Variants in DNM3 observed in about 807,000 individuals in gnomAD.
DNM3 encodes the protein dynamin 3, also known as dynamin-3.
A neutral mutation model predicts 101.6 loss-of-function variants in DNM3; 47 were observed. The ratio of observed to expected loss-of-function variants is 0.46; its 90% CI spans 0.37 to 0.59. The LOEUF (loss-of-function observed/expected upper bound fraction) is 0.59, where lower values mean the gene tolerates loss of function less well. DNM3 is among the 20% of genes least tolerant of loss of function. DNM3 has a pLI of 0.00. For synonymous variants in DNM3, 385 were observed against 387.9 expected (o/e 0.99, Z 0.09); for missense variants, 849 against 1,085.7 (o/e 0.78, Z 3.06).
intron 14 of DNM3, among the ~76,000 whole-genome samples, chr1:172,220,867 A>G (rs920707249): frequency 1.3e-5 from 2 of 152,200 alleles, no homozygotes; most frequent in African/African-American, 4.8e-5. Flanking sequence ...CGTGCCATAA[A>G]GAATAGGCAC....
chr1:172,140,539 T>C (rs1448712713), intron 14 of DNM3: 1 of 151,940 alleles, frequency 6.6e-6, no homozygotes, highest in Non-Finnish European at 1.5e-5. Context: ...TTCCTCTCTC[T>C]CCCATAAATA....
At chr1:172,404,197 A>T (rs1463432911) in intron 20 of DNM3, among the ~76,000 whole-genome samples, 1 of 152,140 alleles carries the variant, frequency 6.6e-6, no homozygotes, top group African/African-American at 2.4e-5. Flanking sequence ...CCAAGATATC[A>T]TAGTTACTTT....
chr1:172,125,656 C>T (rs2056580331), intron 13 of DNM3, among the ~76,000 whole-genome samples: 1 of 152,090 alleles, frequency 6.6e-6, no homozygotes, highest in Non-Finnish European at 1.5e-5. Context: ...CAGTTTGTCT[C>T]CTGCTGAACA....
intron 14 of DNM3, among the ~76,000 whole-genome samples, chr1:172,194,327 T>C (rs531406539): frequency 6.6e-6 from 1 of 152,160 alleles, no homozygotes; most frequent in Non-Finnish European, 1.5e-5. Context: ...CTGAGAAGAA[T>C]GTATATTCTG....
chr1:172,145,063 TA>T lies in DNM3; in HGVS notation c.1659+13785del, dbSNP rs535387676. 9.5e-5 allele frequency among the ~76,000 whole-genome samples: 14 copies of T among 147,036 alleles called. No homozygotes were observed. The East Asian group carries it at 9.9e-4, about 10-fold the overall frequency. ...AGTGGGCCCCAGTATGGAAAAGCTG[TA>T]AAAAAAAAAGAGTCAAGATGTACAG... On this transcript the variant is annotated intron_variant, in intron 14 of 20. Coordinates refer to ENST00000627582, the MANE Select transcript of DNM3 (RefSeq NM_015569.5).
intron 1 of DNM3, among the ~76,000 whole-genome samples, chr1:171,908,755 A>T (rs2039039926): frequency 6.6e-6 from 1 of 152,202 alleles, no homozygotes; most frequent in South Asian, 2.1e-4. Flanking sequence ...AGATACCTCT[A>T]TAATATTCTC....
intron 1 of DNM3, among the ~76,000 whole-genome samples, chr1:171,851,708 C>A (rs925188429): frequency 4.6e-5 from 7 of 152,244 alleles, no homozygotes; most frequent in African/African-American, 1.7e-4. Context: ...GCCACTGCAC[C>A]CGACCTGAAC....
rs1160621620 is a variant in DNM3 at position 172,412,097 on chromosome 1, AAGAG to A, written c.*4261_*4264del. The A allele has an allele frequency of 1.0e-6, 1 of 985,532 alleles. No homozygotes were observed. Among genetic ancestry groups the A allele is most frequent in the Non-Finnish European group, 1.2e-6 (1 of 829,836 alleles). 61.0% of individuals were successfully genotyped at this position (985,532 alleles called of 1,614,324 possible). A position where few individuals can be genotyped will look rare whatever the true frequency, so the allele number is the denominator to read the frequency against. On this transcript the variant is annotated 3_prime_UTR_variant, in exon 21 of 21. Coordinates refer to ENST00000627582, the MANE Select transcript of DNM3 (RefSeq NM_015569.5). ...TAAGAATGTGTGTATGTGTGAGAGC[AAGAG>A]AGAGGAAACTCAAAGAGGAGTGTTT... is the stretch of plus-strand genomic sequence containing the variant.
At chr1:172,085,261 C>A (rs1572440271) in intron 12 of DNM3, among the ~76,000 whole-genome samples, 1 of 151,290 alleles carries the variant, frequency 6.6e-6, no homozygotes, top group East Asian at 1.9e-4. Context: ...AAAAAAAAAA[C>A]CCTAAATTAC....
intron 10 of DNM3, among the ~76,000 whole-genome samples, chr1:172,054,965 C>T (rs1242543982): frequency 2.9e-5 from 4 of 140,002 alleles, no homozygotes; most frequent in East Asian, 2.3e-4. Flanking sequence ...ATTTCCCCCC[C>T]GCCCCCCCAA....
At chr1:172,027,942 C>A (rs1391093609) in intron 4 of DNM3, among the ~76,000 whole-genome samples, 1 of 152,130 alleles carries the variant, frequency 6.6e-6, no homozygotes, top group African/African-American at 2.4e-5. Flanking sequence ...TAGAGACCTA[C>A]AAAGAGACTT....
chr1:172,129,094 A>G (rs986850762), intron 13 of DNM3, among the ~76,000 whole-genome samples: 1 of 152,202 alleles, frequency 6.6e-6, no homozygotes, highest in Non-Finnish European at 1.5e-5. Context: ...CTCTGATACA[A>G]TGAAATAACT....
rs181622285 is a variant in DNM3, at chr1:172,045,766, C to T, written c.1196+1314C>T. Among the ~76,000 whole-genome samples the T allele has an allele frequency of 1.1e-3, 160 of 152,248 alleles. 4 individuals carry two copies. The South Asian group carries it at 0.023, about 22-fold the overall frequency. ...TGCCTAGTACATAGATTGCCTCATA[C>T]GAAGGAGGTGGCCCCTGCCTGTTGT... On this transcript the variant is annotated intron_variant, in intron 9 of 20. Coordinates refer to ENST00000627582, the MANE Select transcript of DNM3 (RefSeq NM_015569.5).
intron 14 of DNM3, among the ~76,000 whole-genome samples, chr1:172,215,168 T>C (rs969024045): frequency 5.3e-5 from 8 of 151,970 alleles, no homozygotes; most frequent in Non-Finnish European, 7.4e-5. Flanking sequence ...ATGTGTAGAC[T>C]CTTTTAGTAG....
intron 4 of DNM3, among the ~76,000 whole-genome samples, chr1:172,008,911 T>C (rs960013304): frequency 2.1e-4 from 29 of 138,740 alleles, no homozygotes; most frequent in Non-Finnish European, 3.8e-4. Context: ...AAATATATCA[T>C]ATTAAATATT....
intron 14 of DNM3, among the ~76,000 whole-genome samples, chr1:172,149,077 A>G (rs1279048703): frequency 6.6e-6 from 1 of 152,204 alleles, no homozygotes; most frequent in Non-Finnish European, 1.5e-5. Flanking sequence ...CTGATTTTAC[A>G]GTCTTCAGAA....
At chr1:171,991,509 C>A (rs956879690) in intron 4 of DNM3, among the ~76,000 whole-genome samples, 1 of 152,142 alleles carries the variant, frequency 6.6e-6, no homozygotes, top group African/African-American at 2.4e-5. Context: ...GTATGAGAAG[C>A]GATGTGGAGC....
At chr1:172,074,196 A>C (rs889164615) in intron 11 of DNM3, among the ~76,000 whole-genome samples, 8 of 152,188 alleles carry the variant, frequency 5.3e-5, no homozygotes, top group Non-Finnish European at 1.0e-4. Context: ...TTAGTGCTAC[A>C]AAAGAAAATA....
intron 14 of DNM3, among the ~76,000 whole-genome samples, chr1:172,155,696 A>T (rs2058310827): frequency 6.6e-6 from 1 of 152,058 alleles, no homozygotes; most frequent in Admixed American, 6.6e-5. Flanking sequence ...GACGCCTGTG[A>T]TGTTAGACTC....
Sources: allele counts gnomAD v4.1 joint callset (sites outside exome capture counted in the v4.1 genomes callset), GRCh38; gene constraint gnomAD v4.1.1; transcripts MANE v1.5; gene names NCBI Gene and HGNC (gene_info 2026-07-23, HGNC 2026-07-21).